Variants in STX11 observed in about 807,000 individuals in gnomAD.
STX11 encodes syntaxin 11, also known as syntaxin-11.
Under a neutral mutation model 19.9 loss-of-function variants are expected in STX11, and 21 were observed. The observed-to-expected ratio is 1.06, with a 90% confidence interval of 0.75 to 1.52. STX11 has a LOEUF of 1.52. Among genes scored for constraint, STX11 ranks in the 40% most tolerant of loss-of-function variants. The pLI, the probability that STX11 is intolerant of heterozygous loss-of-function variation, is 0.00. For missense variants in STX11, 438 were observed against 405.9 expected, an observed-to-expected ratio of 1.08 and a Z score of -0.68; for synonymous variants, 193 against 174.4, an observed-to-expected ratio of 1.11 and a Z score of -0.84.
In STX11 at chr6:144,151,345, T is replaced by C; in HGVS notation, c.-6+642T>C. 1 of 985,466 alleles carries C rather than the reference T, an allele frequency of 1.0e-6. No homozygotes were observed. The highest frequency in any genetic ancestry group is 4.7e-5 in the South Asian group (1 of 21,290). 61.0% of individuals were successfully genotyped at this position (985,466 alleles called of 1,614,324 possible). A position where few individuals can be genotyped will look rare whatever the true frequency, so the allele number is the denominator to read the frequency against. ...ACCAGCTGAGATCTGTATTACTTCC[T>C]GTGGTTCTCACGCACTTGTTTCAGC... is the stretch of plus-strand genomic sequence containing the variant. On this transcript the variant is annotated intron_variant, in intron 1 of 1. Coordinates refer to ENST00000367568, the MANE Select transcript of STX11 (RefSeq NM_003764.4). This position sits in a 1 kb window ranked among gnomAD's most constrained non-coding sequence, Gnocchi z 4.6.
At chr6:144,146,784 C>T (rs1203106400), upstream of STX11, among the ~76,000 whole-genome samples, 2 of 152,122 alleles carry the variant, frequency 1.3e-5, no homozygotes, top group East Asian at 3.8e-4. The surrounding 1 kb of genome is among the most constrained non-coding windows in gnomAD (Gnocchi z 4.4). Flanking sequence ...CTCTAACTCC[C>T]GGGCTCAAGT....
At chr6:144,186,591 G>A (rs1458030226) in intron 1 of STX11, 32 bp from the exon 2 acceptor site, 16 of 1,613,348 alleles carry the variant, frequency 9.9e-6, no homozygotes, top group Middle Eastern at 3.3e-4. Context: ...ACTCTCAATA[G>A]AGAAATTTAA....
At chr6:144,157,431 G>A (rs1174970899) in intron 1 of STX11, among the ~76,000 whole-genome samples, 1 of 152,108 alleles carries the variant, frequency 6.6e-6, no homozygotes, top group Non-Finnish European at 1.5e-5. Flanking sequence ...GAGGATCTTG[G>A]TCCAGAAGGG....
chr6:144,156,013 T>G (rs1291625831), intron 1 of STX11, among the ~76,000 whole-genome samples: 2 of 117,460 alleles, frequency 1.7e-5, no homozygotes, highest in African/African-American at 1.0e-4. Context: ...TTTCTTTCTT[T>G]CTCTCTTTCT....
rs566976461 is a variant in STX11, at chr6:144,177,691, G to C, written c.-5-8932G>C. On this transcript the variant is annotated intron_variant, in intron 1 of 1. Transcript: ENST00000367568. This position sits in a 1 kb window ranked among gnomAD's most constrained non-coding sequence, Gnocchi z 4.4. ...CTTGAACCCGGGAGGCAAAGGTTGC[G>C]GTGAGCCAAGATTGCACCACTGCAC... Among the ~76,000 whole-genome samples the C allele has an allele frequency of 1.3e-5, 2 of 152,054 alleles. No individual in the cohort carries two copies.
chr6:144,143,257 G>C, the STX11 span, among the ~76,000 whole-genome samples: 2 of 152,098 alleles, frequency 1.3e-5, no homozygotes, highest in Admixed American at 6.5e-5. Context: ...ATATCACTAG[G>C]GAACATTTCT....
Position 144,155,996 on chromosome 6 carries a change from T to TTC in STX11, c.-6+5295_-6+5296dup, listed in dbSNP as rs1256092256. ...TTTCTTTCTTTCTTTCTTTCTTTCT[T>TTC]TCTTTCTTTCTTTCTTTCTCTCTTT... On this transcript the variant is annotated intron_variant, in intron 1 of 1. Transcript: ENST00000367568. The surrounding 1 kb of genome is among the most constrained non-coding windows in gnomAD (Gnocchi z 4.5). Among the ~76,000 whole-genome samples the TTC allele has an allele frequency of 2.4e-5, 3 of 124,468 alleles. No homozygotes were observed. The highest frequency in any genetic ancestry group is 7.7e-5 in the Admixed American group (1 of 13,000). The allele number at this position is 124,468 out of a possible 152,430, so 81.7% of individuals were successfully genotyped here.
chr6:144,151,263 C>T lies in STX11; in HGVS notation c.-6+560C>T, dbSNP rs188060154. 116 of 985,384 alleles carry T rather than the reference C, an allele frequency of 1.2e-4. No homozygotes were observed. Among genetic ancestry groups the T allele is most frequent in the Admixed American group, 8.6e-4 (14 of 16,280 alleles). 61.0% of individuals were successfully genotyped at this position (985,384 alleles called of 1,614,324 possible). Reference sequence around the variant, plus strand: ...ACATGGAGAGAAGTAGTGGCAATGCCTGCGAGAGCCACGCCGTCCTGAGAG... The same window carrying T: ...ACATGGAGAGAAGTAGTGGCAATGCTTGCGAGAGCCACGCCGTCCTGAGAG... On this transcript the variant is annotated intron_variant, in intron 1 of 1. Coordinates refer to ENST00000367568, the MANE Select transcript of STX11 (RefSeq NM_003764.4). This position sits in a 1 kb window ranked among gnomAD's most constrained non-coding sequence, Gnocchi z 4.6.
In STX11 at chr6:144,187,029, G is replaced by A. The variant is rs2128757128; in HGVS notation, c.402G>A (p.Ala134=). Residue 134 remains alanine, a synonymous_variant, in exon 2 of 2, where the codon GCG becomes GCA. Transcript: ENST00000367568. The surrounding 1 kb of genome is among the most constrained non-coding windows in gnomAD (Gnocchi z 5.6). ...GCATTTCGCGGGCGCAGTACAACGC[G>A]CTCACCCTCACCTTCCAGCGCGCCA... The part of the protein sequence containing the change: ...VARISRAQYN[A]LTLTFQRAMH... 1 of 1,612,262 alleles carries A rather than the reference G, an allele frequency of 6.2e-7. No individual in the cohort carries two copies. Among genetic ancestry groups the A allele is most frequent in the Admixed American group, 1.7e-5 (1 of 60,010 alleles).
At chr6:144,166,525 CTTTTTTTTTT>C (rs1174123119) in intron 1 of STX11, among the ~76,000 whole-genome samples, 1 of 125,534 alleles carries the variant, frequency 8.0e-6, no homozygotes, top group Admixed American at 8.0e-5. Context: ...CTTTTCTTTC[CTTTTTTTTTT>C]TTTTTTTTTG....
Position 144,165,875 on chromosome 6 carries a change from T to A in STX11, c.-6+15172T>A, listed in dbSNP as rs1801464599. Among the ~76,000 whole-genome samples the A allele has an allele frequency of 6.6e-6, 1 of 152,232 alleles. No individual in the cohort carries two copies. The highest frequency in any genetic ancestry group is 2.4e-5 in the African/African-American group (1 of 41,452). Reference sequence around the variant, plus strand: ...CAAAAAGTAACCTTTGTGAGGTAAGTAGAGTTATTACCATTTTACAGATGA... The same window carrying A: ...CAAAAAGTAACCTTTGTGAGGTAAGAAGAGTTATTACCATTTTACAGATGA... On this transcript the variant is annotated intron_variant, in intron 1 of 1. Coordinates refer to ENST00000367568, the MANE Select transcript of STX11 (RefSeq NM_003764.4). The surrounding 1 kb of genome is among the most constrained non-coding windows in gnomAD (Gnocchi z 5.8).
chr6:144,144,125 C>T, the STX11 span, among the ~76,000 whole-genome samples: 1 of 152,194 alleles, frequency 6.6e-6, no homozygotes, highest in Non-Finnish European at 1.5e-5. Flanking sequence ...TATTGAGTGT[C>T]TCTAATGTTC....
chr6:144,146,694 C>A (rs535071015), upstream of STX11, among the ~76,000 whole-genome samples: 2 of 152,154 alleles, frequency 1.3e-5, no homozygotes, highest in Non-Finnish European at 2.9e-5. The surrounding 1 kb of genome is among the most constrained non-coding windows in gnomAD (Gnocchi z 4.4). Flanking sequence ...ATAGCTGGGA[C>A]AACAGGCATG....
At chr6:144,163,442 C>G (rs1801396689) in intron 1 of STX11, among the ~76,000 whole-genome samples, 1 of 151,882 alleles carries the variant, frequency 6.6e-6, no homozygotes, top group African/African-American at 2.4e-5. Context: ...TGGTGAGACA[C>G]CATCTCTACA....
intron 1 of STX11, among the ~76,000 whole-genome samples, chr6:144,157,318 A>G (rs1801197455): frequency 6.6e-6 from 1 of 152,182 alleles, no homozygotes; most frequent in Non-Finnish European, 1.5e-5. Flanking sequence ...ATTTGTACCT[A>G]CATCAACTAA....
intron 1 of STX11, among the ~76,000 whole-genome samples, chr6:144,157,981 CAG>C (rs746120169): frequency 1.3e-4 from 19 of 148,514 alleles, no homozygotes; most frequent in South Asian, 4.3e-4. Context: ...AAAAAAAAAA[CAG>C]GGGAAAAACA....
Position 144,153,316 on chromosome 6 carries a change from GA to G in STX11, c.-6+2614del. Among the ~76,000 whole-genome samples the G allele has an allele frequency of 6.6e-6, 1 of 152,328 alleles. No homozygotes were observed. On this transcript the variant is annotated intron_variant, in intron 1 of 1. Coordinates refer to ENST00000367568, the MANE Select transcript of STX11 (RefSeq NM_003764.4). The surrounding 1 kb of genome is among the most constrained non-coding windows in gnomAD (Gnocchi z 5.0). ...TGAACTTGGCCCAGGCTTGTCTCAT[GA>G]TAAGTGTTAGAAAGTGTTTATTGAT...
intron 1 of STX11, among the ~76,000 whole-genome samples, chr6:144,164,197 C>T (rs533415527): frequency 7.5e-4 from 114 of 152,202 alleles, no homozygotes; most frequent in African/African-American, 2.7e-3. Flanking sequence ...CATAGTCTGC[C>T]TTGTGAATAT....
Position 144,176,229 on chromosome 6 carries a change from AC to A in STX11, c.-5-10391del, listed in dbSNP as rs1801774549. Among the ~76,000 whole-genome samples, 1 of 151,954 alleles carries A rather than the reference AC, an allele frequency of 6.6e-6. No homozygotes were observed. Among genetic ancestry groups the A allele is most frequent in the African/African-American group, 2.4e-5 (1 of 41,354 alleles). ...GTACCTCCCCACACTAGCGCCTCCC[AC>A]CCTAACTCCCCCAACAGCTTCAGTG... is the stretch of plus-strand genomic sequence containing the variant. On this transcript the variant is annotated intron_variant, in intron 1 of 1. Transcript: ENST00000367568. This position sits in a 1 kb window ranked among gnomAD's most constrained non-coding sequence, Gnocchi z 4.1.
Sources: gnomAD v4.1 joint callset for allele counts (sites outside exome capture counted in the v4.1 genomes callset) on GRCh38, gnomAD v4.1.1 for gene constraint, Gnocchi (gnomAD v3.1) non-coding constraint, MANE v1.5 for transcripts, NCBI Gene and HGNC (gene_info 2026-07-23, HGNC 2026-07-21) for gene names.